Variants in SLC24A3 observed in about 807,000 individuals in gnomAD.
The protein encoded by SLC24A3 is solute carrier family 24 member 3.
A neutral mutation model predicts 75.8 loss-of-function variants in SLC24A3; 28 were observed. The ratio of observed to expected loss-of-function variants is 0.37; its 90% CI spans 0.27 to 0.51. The LOEUF (loss-of-function observed/expected upper bound fraction) is 0.51, where lower values mean the gene tolerates loss of function less well. SLC24A3 is among the 20% of genes least tolerant of loss of function. The probability of loss-of-function intolerance (pLI) is 0.94; values close to 1 mark genes in which losing one functional copy is unlikely to be tolerated. For synonymous variants in SLC24A3, 372 were observed against 334.1 expected (o/e 1.11, Z -1.24); for missense variants, 663 against 847.8 (o/e 0.78, Z 2.71).
chr20:19,227,616 A>G (rs925661483), intron 1 of SLC24A3, among the ~76,000 whole-genome samples: 4 of 152,216 alleles, frequency 2.6e-5, no homozygotes, highest in African/African-American at 9.6e-5. Flanking sequence ...CATATTTAAT[A>G]GTTAATTCCA....
chr20:19,277,477 T>A (rs1378188972), intron 1 of SLC24A3, among the ~76,000 whole-genome samples: 1 of 152,240 alleles, frequency 6.6e-6, no homozygotes, highest in East Asian at 1.9e-4. Context: ...TGCCTCTTCC[T>A]AGCTCAGCAG....
rs538819375 is a variant in SLC24A3, at chr20:19,395,636, A to G, written c.271+114549A>G. Among the ~76,000 whole-genome samples, 10 of 152,354 alleles carry G rather than the reference A, an allele frequency of 6.6e-5. 1 individual carries two copies. Among genetic ancestry groups the G allele is most frequent in the African/African-American group, 2.4e-4 (10 of 41,592 alleles). On this transcript the variant is annotated intron_variant, in intron 2 of 16. Coordinates refer to ENST00000328041, the MANE Select transcript of SLC24A3 (RefSeq NM_020689.4). ...GAAATCTAGCTGTGCTCTAGTAACT[A>G]AACGCTGAAAATGTCAGAACACTGC... is the stretch of plus-strand genomic sequence containing the variant.
At chr20:19,552,507 T>G (rs2030713155) in intron 3 of SLC24A3, among the ~76,000 whole-genome samples, 1 of 152,198 alleles carries the variant, frequency 6.6e-6, no homozygotes, top group Non-Finnish European at 1.5e-5. Context: ...TGAATCTTCC[T>G]ATTTCCCCCA....
intron 2 of SLC24A3, among the ~76,000 whole-genome samples, chr20:19,358,366 T>C (rs1985728024): frequency 6.6e-6 from 1 of 152,068 alleles, no homozygotes; most frequent in Non-Finnish European, 1.5e-5. Context: ...GTTATAGACC[T>C]CCACTATGGA....
intron 2 of SLC24A3, among the ~76,000 whole-genome samples, chr20:19,402,811 A>C (rs936914244): frequency 1.3e-5 from 2 of 152,142 alleles, no homozygotes; most frequent in Non-Finnish European, 2.9e-5. Context: ...GAAATATGGG[A>C]TGCATTGAGC....
intron 2 of SLC24A3, among the ~76,000 whole-genome samples, chr20:19,368,173 C>T (rs1455184460): frequency 8.1e-6 from 1 of 124,020 alleles, no homozygotes; most frequent in East Asian, 2.2e-4. Flanking sequence ...GGGACAGAAC[C>T]TAGAGGGATG....
intron 2 of SLC24A3, among the ~76,000 whole-genome samples, chr20:19,310,184 A>G (rs909905897): frequency 8.5e-5 from 13 of 152,162 alleles, no homozygotes; most frequent in African/African-American, 2.9e-4. Context: ...TTGCTTTCAC[A>G]TTACCCCTTC....
At chr20:19,402,160 T>G (rs6515002) in intron 2 of SLC24A3, among the ~76,000 whole-genome samples, 50,868 of 152,092 alleles carry the variant, frequency 0.33, 9,863 homozygotes, top group Middle Eastern at 0.53. Context: ...AAAGAATTAC[T>G]GCTCTGAAGC....
At chr20:19,590,450 A>G (rs1241513822) in intron 6 of SLC24A3, among the ~76,000 whole-genome samples, 1 of 152,104 alleles carries the variant, frequency 6.6e-6, no homozygotes, top group African/African-American at 2.4e-5. Context: ...AGGACAGGGG[A>G]GGCCAAAAAC....
chr20:19,482,093 C>A (rs1988065018), intron 2 of SLC24A3, among the ~76,000 whole-genome samples: 1 of 152,220 alleles, frequency 6.6e-6, no homozygotes, highest in Admixed American at 6.5e-5. Flanking sequence ...GTACACATGA[C>A]AGCCAGAATG....
At chr20:19,702,989 G>T (rs1211116150) in intron 15 of SLC24A3, among the ~76,000 whole-genome samples, 1 of 152,140 alleles carries the variant, frequency 6.6e-6, no homozygotes, top group Non-Finnish European at 1.5e-5. Flanking sequence ...CCACTATTTG[G>T]AAAAGTTTAT....
chr20:19,238,647 T>A (rs1189734845), intron 1 of SLC24A3, among the ~76,000 whole-genome samples: 1 of 152,192 alleles, frequency 6.6e-6, no homozygotes, highest in Non-Finnish European at 1.5e-5. Context: ...AAGGGCTCAT[T>A]GGCAACCCAC....
intron 7 of SLC24A3, among the ~76,000 whole-genome samples, chr20:19,655,207 T>C (rs907923959): frequency 6.6e-6 from 1 of 152,156 alleles, no homozygotes; most frequent in Non-Finnish European, 1.5e-5. Context: ...GGGTCAGTGT[T>C]TCCATGCAGT....
chr20:19,252,644 G>GGGGGGA (rs1555783965), intron 1 of SLC24A3, among the ~76,000 whole-genome samples: 1 of 59,332 alleles, frequency 1.7e-5, no homozygotes, highest in Non-Finnish European at 2.8e-5. Context: ...TTGGAATGGC[G>GGGGGGA]GGGGGGGGTG....
chr20:19,522,370 C>T (rs941156937), intron 3 of SLC24A3, among the ~76,000 whole-genome samples: 13 of 152,256 alleles, frequency 8.5e-5, no homozygotes, highest in African/African-American at 3.1e-4. Flanking sequence ...CACTGCCAGG[C>T]CACCAGGCTT....
intron 2 of SLC24A3, among the ~76,000 whole-genome samples, chr20:19,400,495 G>A (rs540414408): frequency 2.2e-4 from 34 of 152,236 alleles, no homozygotes; most frequent in African/African-American, 3.6e-4. Flanking sequence ...AGTGCCGGGC[G>A]CTGTGACCTC....
intron 6 of SLC24A3, among the ~76,000 whole-genome samples, chr20:19,623,103 A>G (rs2031824685): frequency 6.6e-6 from 1 of 152,182 alleles, no homozygotes; most frequent in South Asian, 2.1e-4. Context: ...TATCCAAACC[A>G]TAACAAGTTC....
At chr20:19,272,604 T>C (rs1270554042) in intron 1 of SLC24A3, among the ~76,000 whole-genome samples, 1 of 152,228 alleles carries the variant, frequency 6.6e-6, no homozygotes, top group Admixed American at 6.5e-5. Context: ...AAAATCTGGA[T>C]TCTGTCTCAA....
At chr20:19,335,592 C>G (rs1985113242) in intron 2 of SLC24A3, among the ~76,000 whole-genome samples, 1 of 152,216 alleles carries the variant, frequency 6.6e-6, no homozygotes, top group Non-Finnish European at 1.5e-5. Context: ...ATGCCTCCAG[C>G]TCAATGCCCA....
Sources: gnomAD v4.1 joint callset for allele counts (sites outside exome capture counted in the v4.1 genomes callset) on GRCh38, gnomAD v4.1.1 for gene constraint, MANE v1.5 for transcripts, NCBI Gene and HGNC (gene_info 2026-07-23, HGNC 2026-07-21) for gene names.